The following CCDC122 variants were observed in gnomAD, a reference collection of about 807,000 sequenced individuals.
The protein encoded by CCDC122 is coiled-coil domain-containing protein 122.
A neutral mutation model predicts 37.0 loss-of-function variants in CCDC122; 38 were observed. That is an observed-to-expected ratio of 1.03 (90% confidence interval 0.79 to 1.35). CCDC122 has a LOEUF of 1.35. Ranked by LOEUF, CCDC122 falls within the 40% of genes most tolerant of loss-of-function variation. CCDC122 has a pLI of 0.00. For synonymous variants in CCDC122, 83 were observed against 95.6 expected (o/e 0.87, Z 0.77); for missense variants, 305 against 310.0 (o/e 0.98, Z 0.12).
At chr13:43,829,520 G>C (rs752519445) in intron 3 of CCDC122, among the ~76,000 whole-genome samples, 1 of 152,094 alleles carries the variant, frequency 6.6e-6, no homozygotes, top group East Asian at 1.9e-4. Context: ...TGGCCAGGCT[G>C]TTCTCGAACT....
intron 3 of CCDC122, among the ~76,000 whole-genome samples, chr13:43,829,288 G>A (rs563561187): frequency 3.0e-4 from 45 of 152,128 alleles, no homozygotes; most frequent in Non-Finnish European, 5.7e-4. Flanking sequence ...GGCTAAAAGG[G>A]AGAATTGCTC....
At chr13:43,874,495 T>C (rs1022621632) in intron 2 of CCDC122, among the ~76,000 whole-genome samples, 6 of 152,136 alleles carry the variant, frequency 3.9e-5, no homozygotes, top group African/African-American at 1.4e-4. Context: ...ATAAAGAAAA[T>C]TGGATTTATA....
intron 3 of CCDC122, among the ~76,000 whole-genome samples, chr13:43,829,127 C>G (rs1013837374): frequency 2.3e-4 from 35 of 152,042 alleles, no homozygotes; most frequent in African/African-American, 8.5e-4. Context: ...TATAAATTTT[C>G]TCTAAATATG....
chr13:43,869,031 G>A (rs1954363226), intron 3 of CCDC122, among the ~76,000 whole-genome samples: 1 of 151,868 alleles, frequency 6.6e-6, no homozygotes, highest in Non-Finnish European at 1.5e-5. Flanking sequence ...GTTCCTCTAC[G>A]GAACAGTATA....
intron 6 of CCDC122, among the ~76,000 whole-genome samples, chr13:43,842,668 A>G (rs1953394853): frequency 6.6e-6 from 1 of 152,058 alleles, no homozygotes; most frequent in African/African-American, 2.4e-5. Flanking sequence ...AACATAGGAT[A>G]TCATTCCATT....
At chr13:43,871,951 C>G (rs1954466421) in intron 2 of CCDC122, among the ~76,000 whole-genome samples, 1 of 152,044 alleles carries the variant, frequency 6.6e-6, no homozygotes, top group Admixed American at 6.6e-5. Context: ...ACTTACTGTT[C>G]CTCTATCACT....
intron 3 of CCDC122, among the ~76,000 whole-genome samples, chr13:43,824,774 G>A (rs937394527): frequency 1.6e-4 from 25 of 152,246 alleles, no homozygotes; most frequent in African/African-American, 4.6e-4. Flanking sequence ...AGATATACAA[G>A]TGGCCAACAA....
intron 1 of CCDC122, chr13:43,879,353 AG>A: frequency 6.5e-6 from 1 of 153,468 alleles, no homozygotes; most frequent in African/African-American, 2.4e-5. Flanking sequence ...TCCCTCCTCA[AG>A]GGGCCCCTAG....
At chr13:43,827,048 T>C (rs1352597352) in intron 3 of CCDC122, among the ~76,000 whole-genome samples, 1 of 152,182 alleles carries the variant, frequency 6.6e-6, no homozygotes, top group Admixed American at 6.5e-5. Flanking sequence ...TTCATGAAGC[T>C]TATTACAGCG....
Position 43,868,813 on chromosome 13 carries a change from G to A in CCDC122, c.47-10C>T. 2 of 1,340,874 alleles carry A rather than the reference G, an allele frequency of 1.5e-6. No homozygotes were observed. Among genetic ancestry groups the A allele is most frequent in the Non-Finnish European group, 2.0e-6 (2 of 1,002,324 alleles). The allele number at this position is 1,340,874 out of a possible 1,614,324, so 83.1% of individuals were successfully genotyped here. On this transcript the variant is annotated splice_polypyrimidine_tract_variant and intron_variant, in intron 3 of 6. Coordinates refer to ENST00000444614, the MANE Select transcript of CCDC122 (RefSeq NM_144974.5). The stretch of plus-strand genomic sequence containing the variant: ...CTTGTGTCTTGGTTATCTACAATTA[G>A]ACAAAAGAATAAAGTATATAATAAA...
downstream of CCDC122, among the ~76,000 whole-genome samples, chr13:43,832,675 G>A (rs1040402955): frequency 6.6e-6 from 1 of 152,026 alleles, no homozygotes; most frequent in African/African-American, 2.4e-5. Flanking sequence ...TAGATTAAAT[G>A]TATAAATAAA....
rs138355861 is a variant in CCDC122 at position 43,827,998 on chromosome 13, A to C, written n.602-3987T>G. On this transcript the variant is annotated intron_variant and non_coding_transcript_variant, in intron 3 of 3. Transcript: ENST00000470137. ...TTGTTTTAGCTGAATTGCAGATTTT[A>C]TCTGTTAGGTAGAATGGGATAAAAT... Among the ~76,000 whole-genome samples, 1,274 of 152,298 alleles carry C rather than the reference A, an allele frequency of 8.4e-3. 13 individuals are homozygous for C. Among genetic ancestry groups the C allele is most frequent in the African/African-American group, 0.027 (1,134 of 41,574 alleles).
intron 2 of CCDC122, among the ~76,000 whole-genome samples, chr13:43,870,091 G>A (rs531888350): frequency 1.3e-5 from 2 of 152,044 alleles, no homozygotes; most frequent in Admixed American, 6.6e-5. Flanking sequence ...AAAATTTAAA[G>A]GATTGAAACC....
In CCDC122 at chr13:43,850,282, T is replaced by A. The variant is rs188092318; in HGVS notation, c.672+8499A>T. Among the ~76,000 whole-genome samples the A allele has an allele frequency of 3.4e-3, 515 of 152,240 alleles. 7 individuals are homozygous for A. The highest frequency in any genetic ancestry group is 3.0e-3 in the Non-Finnish European group (206 of 68,010). On this transcript the variant is annotated intron_variant, in intron 6 of 6. Coordinates refer to ENST00000444614, the MANE Select transcript of CCDC122 (RefSeq NM_144974.5). ...AACATGTCCACATTTCAATAAAAAA[T>A]GGCTCATAACACCAAAAAATAAGAT...
At chr13:43,823,326 C>T (rs1239374244), downstream of CCDC122, among the ~76,000 whole-genome samples, 5 of 152,052 alleles carry the variant, frequency 3.3e-5, no homozygotes, top group Admixed American at 6.6e-5. Context: ...TTCAAGACAA[C>T]GTCCTCTTTA....
At chr13:43,868,268 CA>C (rs1954338116) in intron 4 of CCDC122, among the ~76,000 whole-genome samples, 1 of 152,046 alleles carries the variant, frequency 6.6e-6, no homozygotes, top group African/African-American at 2.4e-5. Flanking sequence ...AAATTCCCTG[CA>C]GTAGGATTAT....
intron 6 of CCDC122, among the ~76,000 whole-genome samples, chr13:43,853,395 G>C (rs921653650): frequency 2.6e-5 from 4 of 152,074 alleles, no homozygotes; most frequent in Admixed American, 2.0e-4. Context: ...AGAAAAAGAA[G>C]GGCATTACAT....
chr13:43,866,115 C>A (rs1954268413), intron 4 of CCDC122, among the ~76,000 whole-genome samples: 1 of 152,186 alleles, frequency 6.6e-6, no homozygotes, highest in Non-Finnish European at 1.5e-5. Flanking sequence ...CAGGATGGAG[C>A]AGGACAATGC....
chr13:43,850,992 T>A (rs1953708859), intron 6 of CCDC122, among the ~76,000 whole-genome samples: 1 of 151,972 alleles, frequency 6.6e-6, no homozygotes, highest in African/African-American at 2.4e-5. Flanking sequence ...AAAACCAATT[T>A]GAATTACAGC....
Sources: allele counts gnomAD v4.1 joint callset (sites outside exome capture counted in the v4.1 genomes callset), GRCh38; gene constraint gnomAD v4.1.1; transcripts MANE v1.5; gene names NCBI Gene and HGNC (gene_info 2026-07-23, HGNC 2026-07-21).